SUMF1: variants seen among roughly 807,000 people sequenced by gnomAD.
SUMF1 encodes the protein formylglycine-generating enzyme.
Under a neutral mutation model 47.6 loss-of-function variants are expected in SUMF1, and 48 were observed. The observed-to-expected ratio is 1.01, with a 90% CI of 0.80 to 1.28. The LOEUF (loss-of-function observed/expected upper bound fraction) is 1.28. Among genes scored for constraint, SUMF1 ranks in the 50% most tolerant of loss-of-function variants. The probability of loss-of-function intolerance (pLI) is 0.00; values close to 1 mark genes in which losing one functional copy is unlikely to be tolerated. For synonymous variants in SUMF1, 230 were observed against 192.1 expected, an observed-to-expected ratio of 1.20 and a Z score of -1.63; for missense variants, 571 against 485.4, an observed-to-expected ratio of 1.18 and a Z score of -1.66.
intron 8 of SUMF1, among the ~76,000 whole-genome samples, chr3:4,231,134 C>A (rs1352658283): frequency 1.3e-5 from 2 of 152,058 alleles, no homozygotes; most frequent in African/African-American, 2.4e-5. Flanking sequence ...AATTTTCCAG[C>A]CTGGAACTGA....
chr3:4,287,261 T>C (rs1296009956), intron 8 of SUMF1, among the ~76,000 whole-genome samples: 2 of 152,042 alleles, frequency 1.3e-5, no homozygotes, highest in Non-Finnish European at 2.9e-5. Context: ...ACCAAAAAGT[T>C]CAGAACCAGC....
At chr3:4,384,251 T>A (rs1267531149) in intron 7 of SUMF1, among the ~76,000 whole-genome samples, 2 of 152,232 alleles carry the variant, frequency 1.3e-5, no homozygotes, top group African/African-American at 4.8e-5. Flanking sequence ...TCCTTCATTT[T>A]AAAATATTAA....
At chr3:4,321,365 C>CA (rs1460304493) in intron 8 of SUMF1, among the ~76,000 whole-genome samples, 4 of 138,346 alleles carry the variant, frequency 2.9e-5, no homozygotes, top group East Asian at 4.4e-4. Context: ...TCTCCAACAA[C>CA]AAAAAAACAG....
intron 8 of SUMF1, among the ~76,000 whole-genome samples, chr3:4,093,895 AAG>A (rs1692842798): frequency 6.6e-6 from 1 of 152,110 alleles, no homozygotes; most frequent in South Asian, 2.1e-4. Context: ...TTTCAGTTCT[AAG>A]AGAGGGGATA....
At chr3:4,138,001 T>C (rs1693984831) in intron 8 of SUMF1, among the ~76,000 whole-genome samples, 1 of 152,132 alleles carries the variant, frequency 6.6e-6, no homozygotes, top group African/African-American at 2.4e-5. Context: ...GATTTAATTG[T>C]ATTTCAATAC....
intron 8 of SUMF1, among the ~76,000 whole-genome samples, chr3:4,153,634 C>T (rs1234253785): frequency 6.6e-6 from 1 of 150,776 alleles, no homozygotes; most frequent in Admixed American, 6.6e-5. Context: ...TCTTATTTAC[C>T]ATTTTCATTT....
chr3:4,392,654 TAAAG>T (rs1469351812), intron 7 of SUMF1, among the ~76,000 whole-genome samples: 3 of 149,996 alleles, frequency 2.0e-5, no homozygotes, highest in African/African-American at 4.9e-5. Flanking sequence ...CCTATATATA[TAAAG>T]AGAGAAAGAG....
intron 8 of SUMF1, among the ~76,000 whole-genome samples, chr3:4,172,690 G>A (rs2125125121): frequency 1.2e-5 from 1 of 83,882 alleles, no homozygotes; most frequent in South Asian, 4.7e-4. Flanking sequence ...TTTTGATGGG[G>A]TTGTTTTTTT....
At chr3:4,107,677 G>C (rs1301423105) in intron 8 of SUMF1, among the ~76,000 whole-genome samples, 3 of 152,086 alleles carry the variant, frequency 2.0e-5, no homozygotes, top group East Asian at 3.8e-4. Context: ...TCAGGGCCTA[G>C]TGTGGCAACT....
chr3:4,154,826 C>G (rs1277507024), intron 8 of SUMF1, among the ~76,000 whole-genome samples: 1 of 151,510 alleles, frequency 6.6e-6, no homozygotes, highest in African/African-American at 2.4e-5. Context: ...TGGGCAACCA[C>G]CGCATCCCAC....
intron 8 of SUMF1, among the ~76,000 whole-genome samples, chr3:4,236,456 T>A (rs991887659): frequency 5.9e-5 from 9 of 151,982 alleles, no homozygotes; most frequent in East Asian, 5.8e-4. Flanking sequence ...AATACATTTT[T>A]AAAAAAATAG....
chr3:4,311,180 A>C (rs564621999), intron 8 of SUMF1, among the ~76,000 whole-genome samples: 4 of 152,296 alleles, frequency 2.6e-5, no homozygotes, highest in African/African-American at 7.2e-5. Context: ...CTTTCACAAG[A>C]GGATGTCAAT....
intron 8 of SUMF1, among the ~76,000 whole-genome samples, chr3:4,148,850 C>A (rs545336660): frequency 6.6e-6 from 1 of 152,116 alleles, no homozygotes; most frequent in East Asian, 1.9e-4. Flanking sequence ...TTGGAAGGAC[C>A]TTTACACAAG....
At chr3:4,234,186 C>T (rs996268947) in intron 8 of SUMF1, among the ~76,000 whole-genome samples, 1 of 152,018 alleles carries the variant, frequency 6.6e-6, no homozygotes, top group Non-Finnish European at 1.5e-5. Flanking sequence ...AGTTGCTTAA[C>T]CTTTCTGACC....
intron 8 of SUMF1, among the ~76,000 whole-genome samples, chr3:4,265,480 ATTAT>A (rs1308513771): frequency 6.6e-6 from 1 of 152,132 alleles, no homozygotes; most frequent in Non-Finnish European, 1.5e-5. Flanking sequence ...TTCACACATT[ATTAT>A]TTAAATTCTC....
At chr3:4,422,554 T>G (rs1487647750) in intron 3 of SUMF1, among the ~76,000 whole-genome samples, 1 of 152,050 alleles carries the variant, frequency 6.6e-6, no homozygotes, top group Non-Finnish European at 1.5e-5. Flanking sequence ...TTGGGTAGTT[T>G]CCAGTTTGGG....
In SUMF1 at chr3:4,316,501, A is replaced by G. The variant is rs573824448; in HGVS notation, c.1014+59829T>C. 133 of 1,598,532 alleles carry G rather than the reference A, an allele frequency of 8.3e-5. 1 individual carries two copies. The highest frequency in any genetic ancestry group is 5.9e-4 in the South Asian group (52 of 87,978). On this transcript the variant is annotated intron_variant and NMD_transcript_variant, in intron 8 of 12. Transcript: ENST00000448413. ...ACACGAGAAGTTGCTGAAGAACTCAATGTCAACCATTCTACGGTCGTTCGA... is the reference window on the plus strand; with the variant it reads ...ACACGAGAAGTTGCTGAAGAACTCAGTGTCAACCATTCTACGGTCGTTCGA...
At chr3:4,333,342 G>A (rs1420170569) in intron 8 of SUMF1, among the ~76,000 whole-genome samples, 1 of 152,194 alleles carries the variant, frequency 6.6e-6, no homozygotes, top group African/African-American at 2.4e-5. Flanking sequence ...GAGCAGCGGT[G>A]GTGACCAAAC....
chr3:4,372,859 G>A (rs989816568), intron 8 of SUMF1, among the ~76,000 whole-genome samples: 1 of 152,114 alleles, frequency 6.6e-6, no homozygotes, highest in African/African-American at 2.4e-5. Context: ...ATTCACAACC[G>A]ACACTATGCT....
Sources: gnomAD v4.1 joint callset for allele counts (sites outside exome capture counted in the v4.1 genomes callset) on GRCh38, gnomAD v4.1.1 for gene constraint, MANE v1.5 for transcripts, NCBI Gene and HGNC (gene_info 2026-07-23, HGNC 2026-07-21) for gene names.